Variants in NTF3 observed in about 807,000 individuals in gnomAD.
NTF3 encodes neurotrophin 3.
Under a neutral mutation model 26.3 loss-of-function variants are expected in NTF3, and 8 were observed. That is an observed-to-expected ratio of 0.30 (90% CI 0.18 to 0.55). The LOEUF (loss-of-function observed/expected upper bound fraction) is 0.55, where lower values mean the gene tolerates loss of function less well. NTF3 is among the 20% of genes least tolerant of loss of function. The pLI is 0.93. For missense variants in NTF3, 276 were observed against 352.9 expected, an observed-to-expected ratio of 0.78 and a Z score of 1.75; for synonymous variants, 154 against 145.5, an observed-to-expected ratio of 1.06 and a Z score of -0.42.
At chr12:5,489,051 G>T (rs1246235273) in intron 1 of NTF3, among the ~76,000 whole-genome samples, 1 of 152,176 alleles carries the variant, frequency 6.6e-6, no homozygotes, top group Non-Finnish European at 1.5e-5. Flanking sequence ...TCAAACCCAG[G>T]ATGTGAGATG....
At chr12:5,493,679 A>G (rs1940966548) in intron 1 of NTF3, among the ~76,000 whole-genome samples, 1 of 152,118 alleles carries the variant, frequency 6.6e-6, no homozygotes, top group Non-Finnish European at 1.5e-5. Context: ...CTGACACTGC[A>G]ATATGGGGGC....
At chr12:5,435,941 A>G (rs1396041866) in intron 1 of NTF3, among the ~76,000 whole-genome samples, 2 of 152,208 alleles carry the variant, frequency 1.3e-5, no homozygotes, top group East Asian at 1.9e-4. Context: ...GGGTGCCAGT[A>G]TGTGTTTTTG....
chr12:5,455,594 T>G (rs1940435822), intron 1 of NTF3, among the ~76,000 whole-genome samples: 1 of 135,518 alleles, frequency 7.4e-6, no homozygotes. Context: ...ATAGCCCCTG[T>G]GATTGAGGGG....
At chr12:5,469,313 A>G (rs976088704) in intron 1 of NTF3, among the ~76,000 whole-genome samples, 1 of 152,128 alleles carries the variant, frequency 6.6e-6, no homozygotes, top group Admixed American at 6.5e-5. Flanking sequence ...CATGGGAGCC[A>G]TTTTCGCAAC....
At chr12:5,453,453 C>T (rs1392755015) in intron 1 of NTF3, among the ~76,000 whole-genome samples, 2 of 152,202 alleles carry the variant, frequency 1.3e-5, no homozygotes, top group Non-Finnish European at 2.9e-5. Context: ...ACTTCTCTTT[C>T]CCATCCCTGT....
At chr12:5,487,098 T>C (rs1940875923) in intron 1 of NTF3, among the ~76,000 whole-genome samples, 1 of 152,252 alleles carries the variant, frequency 6.6e-6, no homozygotes, top group Non-Finnish European at 1.5e-5. Flanking sequence ...GAGTTTGTGA[T>C]ATGCAAAGGA....
At chr12:5,487,548 C>A (rs1167378451) in intron 1 of NTF3, among the ~76,000 whole-genome samples, 1 of 152,142 alleles carries the variant, frequency 6.6e-6, no homozygotes, top group African/African-American at 2.4e-5. Context: ...CTAGAGTATG[C>A]CTTCACTGTT....
At chr12:5,470,282 ACAG>A (rs1940648833) in intron 1 of NTF3, among the ~76,000 whole-genome samples, 1 of 152,180 alleles carries the variant, frequency 6.6e-6, no homozygotes, top group Non-Finnish European at 1.5e-5. Context: ...AAGAAGTTAT[ACAG>A]CTGGGATTCT....
chr12:5,433,685 G>A lies in NTF3; in HGVS notation c.18+1343G>A, dbSNP rs1040121866. ...CGAGGCTGGGGTGGGATTGCCGGTG[G>A]GGGAAACACCGAAAAGATCGTCTGG... On this transcript the variant is annotated intron_variant, in intron 1 of 1. Coordinates refer to ENST00000423158, the MANE Select transcript of NTF3 (RefSeq NM_001102654.2). The surrounding 1 kb of genome is among the most constrained non-coding windows in gnomAD (Gnocchi z 4.6). 1.2e-4 allele frequency among the ~76,000 whole-genome samples: 19 copies of A among 152,102 alleles called. No individual in the cohort carries two copies. The highest frequency in any genetic ancestry group is 4.1e-4 in the African/African-American group (17 of 41,436).
At position 5,494,026 on chromosome 12, in the gene NTF3, A is replaced by G. The variant is rs533827325; in HGVS notation, c.19-168A>G. 800 of 627,284 alleles carry G rather than the reference A, an allele frequency of 1.3e-3. 1 individual carries two copies. Among genetic ancestry groups the G allele is most frequent in the Non-Finnish European group, 1.9e-3 (708 of 363,266 alleles). The allele number at this position is 627,284 out of a possible 1,614,324, so 38.9% of individuals were successfully genotyped here. On this transcript the variant is annotated intron_variant, in intron 1 of 1. Transcript: ENST00000423158. The surrounding 1 kb of genome is among the most constrained non-coding windows in gnomAD (Gnocchi z 8.3). ...TCGCAGTATCTCCCGGGGGTGGGGGAAAGAAATCACCTCTTCAGAATGTCC... is the reference window on the plus strand; with the variant it reads ...TCGCAGTATCTCCCGGGGGTGGGGGGAAGAAATCACCTCTTCAGAATGTCC...
intron 1 of NTF3, among the ~76,000 whole-genome samples, chr12:5,458,251 C>T (rs1396597485): frequency 3.3e-5 from 5 of 152,188 alleles, no homozygotes; most frequent in Non-Finnish European, 7.3e-5. Context: ...GCCACCACGC[C>T]TTTCTTGCCT....
At chr12:5,464,116 C>T (rs1940557982) in intron 1 of NTF3, among the ~76,000 whole-genome samples, 1 of 152,188 alleles carries the variant, frequency 6.6e-6, no homozygotes, top group Non-Finnish European at 1.5e-5. Flanking sequence ...TGCAGGTAGA[C>T]AGCGTGACTG....
intron 1 of NTF3, among the ~76,000 whole-genome samples, chr12:5,475,436 T>C (rs1940710756): frequency 6.6e-6 from 1 of 152,166 alleles, no homozygotes; most frequent in Non-Finnish European, 1.5e-5. Context: ...TGGGATCAGA[T>C]AGTTACAAAG....
chr12:5,450,932 A>G (rs781419707), intron 1 of NTF3, among the ~76,000 whole-genome samples: 7 of 152,162 alleles, frequency 4.6e-5, no homozygotes, highest in Non-Finnish European at 1.0e-4. Context: ...AGGTTTTTCA[A>G]ATGACTGAGT....
At chr12:5,493,394 ACT>A (rs1940963197) in intron 1 of NTF3, among the ~76,000 whole-genome samples, 1 of 152,020 alleles carries the variant, frequency 6.6e-6, no homozygotes, top group South Asian at 2.1e-4. Flanking sequence ...ATCAACAATG[ACT>A]CTTCTATTCT....
chr12:5,457,118 A>G (rs1183739172), intron 1 of NTF3, among the ~76,000 whole-genome samples: 1 of 152,238 alleles, frequency 6.6e-6, no homozygotes, highest in Non-Finnish European at 1.5e-5. Context: ...TTTGCATTCC[A>G]GAAAGAGCAG....
At chr12:5,434,576 G>A (rs1204062835) in intron 1 of NTF3, among the ~76,000 whole-genome samples, 2 of 151,656 alleles carry the variant, frequency 1.3e-5, no homozygotes, top group Non-Finnish European at 2.9e-5. Context: ...TTTCTGGGGA[G>A]TCTGTCGGAT....
At chr12:5,476,653 T>G (rs1011733921) in intron 1 of NTF3, among the ~76,000 whole-genome samples, 1 of 152,172 alleles carries the variant, frequency 6.6e-6, no homozygotes, top group Non-Finnish European at 1.5e-5. Context: ...GCTCTGCACA[T>G]GGAGATACTT....
intron 1 of NTF3, among the ~76,000 whole-genome samples, chr12:5,490,284 C>T (rs916872310): frequency 2.6e-5 from 4 of 152,046 alleles, no homozygotes; most frequent in South Asian, 2.1e-4. Flanking sequence ...TCGTAGCAGG[C>T]GCTCATTCAG....
Sources: allele counts gnomAD v4.1 joint callset (sites outside exome capture counted in the v4.1 genomes callset), GRCh38; gene constraint gnomAD v4.1.1; non-coding constraint Gnocchi (gnomAD v3.1); transcripts MANE v1.5; gene names NCBI Gene and HGNC (gene_info 2026-07-23, HGNC 2026-07-21).